USP20: variants seen among roughly 807,000 people sequenced by gnomAD.
USP20 encodes ubiquitin specific peptidase 20, also known as ubiquitin carboxyl-terminal hydrolase 20.
Under a neutral mutation model 124.2 loss-of-function variants are expected in USP20, and 80 were observed. The ratio of observed to expected loss-of-function variants is 0.64; its 90% CI spans 0.54 to 0.78. USP20 has a LOEUF of 0.78. USP20 is among the 30% of genes least tolerant of loss of function. The probability of loss-of-function intolerance (pLI) is 0.00; values close to 1 mark genes in which losing one functional copy is unlikely to be tolerated. For synonymous variants in USP20, 481 were observed against 512.3 expected (o/e 0.94, Z 0.83); for missense variants, 1,043 against 1,244.4 (o/e 0.84, Z 2.44).
At position 129,873,684 on chromosome 9, in the gene USP20, G is replaced by A. The variant is rs749934660; in HGVS notation, c.1695-15G>A. ...TGATGCCGGACACTGATGCTGGCTC[G>A]TGCTTCCTCCCCAGGCTGCGGAACG... On this transcript the variant is annotated splice_polypyrimidine_tract_variant and intron_variant, in intron 16 of 25. Coordinates refer to ENST00000372429, the MANE Select transcript of USP20 (RefSeq NM_001110303.4). 36 of 1,613,480 alleles carry A rather than the reference G, an allele frequency of 2.2e-5. No homozygotes were observed. The highest frequency in any genetic ancestry group is 1.3e-4 in the East Asian group (6 of 44,902).
rs773746849 is a variant in USP20 at position 129,880,296 on chromosome 9, C to T, written c.*16+7C>T. On this transcript the variant is annotated splice_region_variant and intron_variant, in intron 25 of 25. Coordinates refer to ENST00000372429, the MANE Select transcript of USP20 (RefSeq NM_001110303.4). The stretch of plus-strand genomic sequence containing the variant: ...TGATCTGCTGGGCTAGTCTGTAAGT[C>T]GCCCCGGCTGGTCCCTCCATGGCAC... 7.0e-6 allele frequency: 11 copies of T among 1,561,132 alleles called. No homozygotes were observed. The South Asian group carries it at 8.1e-5, about 12-fold the overall frequency.
Position 129,863,293 on chromosome 9 carries a change from A to G in USP20, c.605A>G (p.Lys202Arg). The change falls in exon 9 of 26, where the codon AAG (lysine) becomes AGG (arginine). Residue 202 changes from lysine to arginine, a missense_variant. Coordinates refer to ENST00000372429, the MANE Select transcript of USP20 (RefSeq NM_001110303.4). The stretch of plus-strand genomic sequence containing the variant: ...AAGCTGGTCTCTGAGGTCTGGCATA[A>G]GAAACGGTGAGCAGCTGCATCCCTA... ...YQKLVSEVWHKKRPSYVVPTS... is the reference protein window; with the variant it reads ...YQKLVSEVWHRKRPSYVVPTS... 6.5e-7 allele frequency: 1 copy of G among 1,544,776 alleles called. No individual in the cohort carries two copies. The highest frequency in any genetic ancestry group is 8.8e-7 in the Non-Finnish European group (1 of 1,141,184).
intron 1 of USP20, among the ~76,000 whole-genome samples, chr9:129,842,854 A>G (rs988622656): frequency 6.6e-6 from 1 of 151,864 alleles, no homozygotes; most frequent in Admixed American, 6.6e-5. Flanking sequence ...TAGCCTCCCA[A>G]AGTGCTGGGA....
At position 129,876,162 on chromosome 9, in the gene USP20, A is replaced by G. The variant is rs761254894; in HGVS notation, c.2333A>G (p.Tyr778Cys). Residue 778 changes from tyrosine (Y) to cysteine (C), a missense_variant, in exon 22 of 26, where the codon TAC (tyrosine) becomes TGC (cysteine). Transcript: ENST00000372429. ...GGTGGCCCCGCCGTGAACCACCTGT[A>G]CGTGTGCTCCATCTGCCAGGTGGAG... ...FGGGPAVNHL[Y>C]VCSICQVEIE... is the part of the protein sequence containing the mutation. The G allele has an allele frequency of 1.9e-6, 3 of 1,613,290 alleles. No homozygotes were observed. Among genetic ancestry groups the G allele is most frequent in the Non-Finnish European group, 2.5e-6 (3 of 1,179,990 alleles).
chr9:129,870,380 C>T lies in USP20; in HGVS notation c.1566-73C>T, dbSNP rs2131088053. 2.8e-5 allele frequency: 43 copies of T among 1,513,982 alleles called. No homozygotes were observed. In the South Asian group the frequency reaches 4.9e-4, roughly 17 times the overall value. The allele number at this position is 1,513,982 out of a possible 1,614,324, so 93.8% of individuals were successfully genotyped here. ...TCTGCGGCTCAGGCCTGACAGACCT[C>T]AGCCAGAGTCCCTTCAGCTCCTGTT... On this transcript the variant is annotated intron_variant, in intron 14 of 25. Coordinates refer to ENST00000372429, the MANE Select transcript of USP20 (RefSeq NM_001110303.4).
Position 129,835,472 on chromosome 9 carries a change from G to A in USP20, c.-156G>A, listed in dbSNP as rs2031735513. The A allele has an allele frequency of 5.0e-6, 2 of 399,782 alleles. No individual in the cohort carries two copies. Among genetic ancestry groups the A allele is most frequent in the Non-Finnish European group, 8.9e-6 (2 of 224,732 alleles). 24.8% of individuals were successfully genotyped at this position (399,782 alleles called of 1,614,324 possible). A position where few individuals can be genotyped will look rare whatever the true frequency, so the allele number is the denominator to read the frequency against. Reference sequence around the variant, plus strand: ...TCAGAGGGGGCGCGCTTGACTGACAGGCGGCGGCGGCGCAGTTGCGAGTGC... The same window carrying A: ...TCAGAGGGGGCGCGCTTGACTGACAAGCGGCGGCGGCGCAGTTGCGAGTGC... On this transcript the variant is annotated 5_prime_UTR_variant, in exon 1 of 26. Coordinates refer to ENST00000372429, the MANE Select transcript of USP20 (RefSeq NM_001110303.4).
At chr9:129,846,247 A>ATATATTTTT (rs1554742656) in intron 1 of USP20, among the ~76,000 whole-genome samples, 4 of 32,684 alleles carry the variant, frequency 1.2e-4, no homozygotes, top group African/African-American at 2.3e-4. Context: ...ATATATATAT[A>ATATATTTTT]TTTTTTTTTT....
chr9:129,867,047 G>T (rs2033852265), intron 10 of USP20, among the ~76,000 whole-genome samples: 1 of 152,148 alleles, frequency 6.6e-6, no homozygotes, highest in African/African-American at 2.4e-5. Flanking sequence ...GCTGGCTCTG[G>T]CTGCTACGTG....
intron 22 of USP20, among the ~76,000 whole-genome samples, chr9:129,877,942 C>T (rs116908048): frequency 0.013 from 1,956 of 151,346 alleles, 20 homozygotes; most frequent in Middle Eastern, 0.028. Flanking sequence ...GGTGGTGGCA[C>T]ACACCTGTAA....
intron 23 of USP20, 112 bp downstream of exon 23, chr9:129,878,552 C>T (rs1348974709): frequency 1.1e-6 from 1 of 892,734 alleles, no homozygotes; most frequent in African/African-American, 1.7e-5. Flanking sequence ...ATGCCTGCCC[C>T]CAGGTGCCAC....
intron 3 of USP20, 47 bp downstream of exon 3, chr9:129,852,683 C>T (rs2032992172): frequency 6.5e-7 from 1 of 1,530,334 alleles, no homozygotes; most frequent in Non-Finnish European, 8.9e-7. Flanking sequence ...CCAGGGCTGC[C>T]TCTTTCCTGG....
chr9:129,838,838 G>A lies in USP20; in HGVS notation c.-129+3339G>A, dbSNP rs544041219. 1.7e-3 allele frequency among the ~76,000 whole-genome samples: 253 copies of A among 152,326 alleles called. 4 individuals are homozygous for A. Among genetic ancestry groups the A allele is most frequent in the Middle Eastern group, 3.4e-3 (1 of 294 alleles). ...TGGGCCAGTGACTGGCTGCAGCCTA[G>A]GGTAGCCCCAAACCCACGCCTTCTC... is the stretch of plus-strand genomic sequence containing the variant. On this transcript the variant is annotated intron_variant, in intron 1 of 25. Transcript: ENST00000372429.
At chr9:129,850,716 C>T (rs2032869097) in intron 2 of USP20, among the ~76,000 whole-genome samples, 1 of 152,094 alleles carries the variant, frequency 6.6e-6, no homozygotes, top group Admixed American at 6.6e-5. Flanking sequence ...GGTTCAATGG[C>T]ACGATGTTGG....
intron 15 of USP20, among the ~76,000 whole-genome samples, chr9:129,872,508 C>A (rs1274683085): frequency 6.6e-6 from 1 of 152,184 alleles, no homozygotes. Flanking sequence ...ACCCTGTCCT[C>A]CCATCCTGTA....
intron 2 of USP20, among the ~76,000 whole-genome samples, chr9:129,850,290 A>G (rs1216348380): frequency 3.3e-5 from 5 of 152,034 alleles, no homozygotes; most frequent in African/African-American, 1.2e-4. Context: ...CATTTTCTAT[A>G]AGTTAGAAAG....
At chr9:129,856,391 A>G (rs1238658964) in intron 4 of USP20, 31 bp downstream of exon 4, 1 of 1,611,682 alleles carries the variant, frequency 6.2e-7, no homozygotes, top group East Asian at 2.2e-5. Flanking sequence ...TCAGGGGTGT[A>G]GAGCTGCTTC....
At chr9:129,837,229 A>C (rs2031910592) in intron 1 of USP20, among the ~76,000 whole-genome samples, 1 of 152,242 alleles carries the variant, frequency 6.6e-6, no homozygotes, top group Non-Finnish European at 1.5e-5. Context: ...GCGTAGGATG[A>C]GACTGTCTCT....
intron 4 of USP20, among the ~76,000 whole-genome samples, chr9:129,857,500 T>C (rs1365908613): frequency 6.6e-6 from 1 of 151,998 alleles, no homozygotes; most frequent in African/African-American, 2.4e-5. Flanking sequence ...CCTTGGAGGA[T>C]GGGTAGATTT....
chr9:129,862,642 A>G (rs2033609637), intron 8 of USP20, among the ~76,000 whole-genome samples: 1 of 152,006 alleles, frequency 6.6e-6, no homozygotes, highest in East Asian at 1.9e-4. Flanking sequence ...ACCGTGGCTT[A>G]CGCCTGTAAT....
Sources: gnomAD v4.1 joint callset for allele counts (sites outside exome capture counted in the v4.1 genomes callset) on GRCh38, gnomAD v4.1.1 for gene constraint, MANE v1.5 for transcripts, NCBI Gene and HGNC (gene_info 2026-07-23, HGNC 2026-07-21) for gene names.